Variants in RAD23B observed in about 807,000 individuals in gnomAD.
RAD23B encodes the protein lysine-specific demethylase RAD23B.
A neutral mutation model predicts 49.1 loss-of-function variants in RAD23B; 5 were observed. The ratio of observed to expected loss-of-function variants is 0.10; its 90% confidence interval spans 0.05 to 0.21. The LOEUF is 0.21. RAD23B is among the 10% of genes least tolerant of loss of function. The pLI is 1.00. For synonymous variants in RAD23B, 184 were observed against 165.4 expected, an observed-to-expected ratio of 1.11 and a Z score of -0.86; for missense variants, 356 against 486.7, an observed-to-expected ratio of 0.73 and a Z score of 2.53.
At chr9:107,323,287 C>T (rs11573711) in intron 7 of RAD23B, among the ~76,000 whole-genome samples, 17,955 of 152,024 alleles carry the variant, frequency 0.12, 1,093 homozygotes, top group South Asian at 0.15. Flanking sequence ...CTTATTTATC[C>T]GAGTTTTTGT....
chr9:107,300,619 A>G (rs986393517), intron 2 of RAD23B, among the ~76,000 whole-genome samples: 3 of 152,178 alleles, frequency 2.0e-5, no homozygotes, highest in African/African-American at 7.2e-5. Flanking sequence ...AACACATCAC[A>G]CAGACACCTA....
intron 5 of RAD23B, among the ~76,000 whole-genome samples, chr9:107,315,417 G>A (rs147567558): frequency 1.8e-4 from 27 of 152,242 alleles, no homozygotes; most frequent in African/African-American, 5.1e-4. Flanking sequence ...ATTGATCAAA[G>A]CTTATTCTGA....
intron 1 of RAD23B, among the ~76,000 whole-genome samples, chr9:107,296,821 C>T (rs947268678): frequency 1.3e-5 from 2 of 151,586 alleles, no homozygotes; most frequent in South Asian, 2.1e-4. Flanking sequence ...AGGCGTGAGC[C>T]ATGGCACCCA....
intron 9 of RAD23B, among the ~76,000 whole-genome samples, chr9:107,328,240 T>G (rs529387482): frequency 2.6e-5 from 4 of 152,296 alleles, no homozygotes; most frequent in African/African-American, 9.6e-5. Flanking sequence ...TTGCCCAAAT[T>G]TTAAGGGTTA....
chr9:107,299,024 G>C (rs1826595111), intron 1 of RAD23B, among the ~76,000 whole-genome samples: 1 of 152,066 alleles, frequency 6.6e-6, no homozygotes, highest in African/African-American at 2.4e-5. Flanking sequence ...TACTCTGCTT[G>C]GAGTCATAAG....
In RAD23B at chr9:107,318,950, G is replaced by A; in HGVS notation, c.681+71G>A. 6.8e-7 allele frequency: 1 copy of A among 1,468,214 alleles called. No individual in the cohort carries two copies. The highest frequency in any genetic ancestry group is 9.3e-7 in the Non-Finnish European group (1 of 1,074,178). The allele number at this position is 1,468,214 out of a possible 1,614,324, so 90.9% of individuals were successfully genotyped here. A position where few individuals can be genotyped will look rare whatever the true frequency, so the allele number is the denominator to read the frequency against. On this transcript the variant is annotated intron_variant, in intron 6 of 9. Transcript: ENST00000358015. The surrounding 1 kb of genome is among the most constrained non-coding windows in gnomAD (Gnocchi z 4.3). ...AAATCTCAAAGAAACAGATTTTAAA[G>A]GACCAGTTCACTTGTCACTGATATA...
chr9:107,287,551 T>C (rs1833296886), intron 1 of RAD23B, among the ~76,000 whole-genome samples: 2 of 152,192 alleles, frequency 1.3e-5, no homozygotes, highest in Non-Finnish European at 2.9e-5. Context: ...GGTTTACCTC[T>C]ATAATGTGAT....
intron 1 of RAD23B, 128 bp from the exon 2 acceptor site, chr9:107,300,011 CAT>C (rs1014422427): frequency 1.9e-5 from 23 of 1,182,340 alleles, no homozygotes; most frequent in East Asian, 8.5e-5. Flanking sequence ...ATTGGAAAAA[CAT>C]AATATTTGAG....
intron 1 of RAD23B, among the ~76,000 whole-genome samples, chr9:107,290,420 T>C (rs568414846): frequency 1.3e-5 from 2 of 152,328 alleles, no homozygotes; most frequent in South Asian, 4.1e-4. Context: ...CATCCCTCTT[T>C]AGCTGCTGCC....
At chr9:107,329,423 C>A (rs1827267707) in intron 9 of RAD23B, 120 bp from the exon 10 acceptor site, 1 of 589,408 alleles carries the variant, frequency 1.7e-6, no homozygotes, top group Non-Finnish European at 2.8e-6. Context: ...TTTTGGGTTG[C>A]AGTATGTTTT....
At chr9:107,319,062 C>A (rs1827054958) in intron 6 of RAD23B, among the ~76,000 whole-genome samples, 183 bp downstream of exon 6, 1 of 150,656 alleles carries the variant, frequency 6.6e-6, no homozygotes, top group Non-Finnish European at 1.5e-5. Context: ...ATCTAATGGT[C>A]CAACATTGTA....
At chr9:107,293,921 A>G (rs1296798679) in intron 1 of RAD23B, among the ~76,000 whole-genome samples, 1 of 152,146 alleles carries the variant, frequency 6.6e-6, no homozygotes, top group African/African-American at 2.4e-5. Flanking sequence ...GGTAACTGGG[A>G]CTACAAGCGG....
At chr9:107,316,051 C>G (rs1826987180) in intron 5 of RAD23B, among the ~76,000 whole-genome samples, 1 of 151,664 alleles carries the variant, frequency 6.6e-6, no homozygotes, top group African/African-American at 2.4e-5. Context: ...TGCTCTGTCG[C>G]CAGACTGGAG....
Position 107,318,860 on chromosome 9 carries a change from C to T in RAD23B, c.662C>T (p.Ala221Val). 1 of 1,613,240 alleles carries T rather than the reference C, an allele frequency of 6.2e-7. No homozygotes were observed. Among genetic ancestry groups the T allele is most frequent in the Non-Finnish European group, 8.5e-7 (1 of 1,179,426 alleles). The change falls in exon 6 of 10, where the codon GCA (alanine) becomes GTA (valine). Residue 221 changes from alanine to valine, a missense_variant. By Grantham distance (64) the Ala-to-Val change is moderately conservative (BLOSUM62 0). This residue lies in a region of RAD23B where 148 missense variants were observed against 231.7 expected (regional missense o/e 0.64). Transcript: ENST00000358015. The surrounding 1 kb of genome is among the most constrained non-coding windows in gnomAD (Gnocchi z 4.3). ...LRASFNNPDR[A>V]VEYLLMGIPG... Reference sequence around the variant, plus strand: ...GCCAGTTTCAACAACCCTGACAGAGCAGTGGAGTATCTTTTAATGGTGAGA... The same window carrying T: ...GCCAGTTTCAACAACCCTGACAGAGTAGTGGAGTATCTTTTAATGGTGAGA...
Position 107,318,611 on chromosome 9 carries a change from A to G in RAD23B, c.554-141A>G, listed in dbSNP as rs1827041489. 1 of 903,758 alleles carries G rather than the reference A, an allele frequency of 1.1e-6. No homozygotes were observed. Among genetic ancestry groups the G allele is most frequent in the Non-Finnish European group, 1.6e-6 (1 of 620,020 alleles). 56.0% of individuals were successfully genotyped at this position (903,758 alleles called of 1,614,324 possible). A position where few individuals can be genotyped will look rare whatever the true frequency, so the allele number is the denominator to read the frequency against. ...TGGGGGACCATTACCTACTACATAT[A>G]TGTTGTAATTTATACTGTTACTCAT... On this transcript the variant is annotated intron_variant, in intron 5 of 9. Transcript: ENST00000358015. This position sits in a 1 kb window ranked among gnomAD's most constrained non-coding sequence, Gnocchi z 4.3.
At position 107,330,558 on chromosome 9, in the gene RAD23B, C is replaced by T. The variant is rs567930659; in HGVS notation, c.*902C>T. On this transcript the variant is annotated 3_prime_UTR_variant, in exon 10 of 10. Coordinates refer to ENST00000358015, the MANE Select transcript of RAD23B (RefSeq NM_002874.5). The surrounding 1 kb of genome is among the most constrained non-coding windows in gnomAD (Gnocchi z 4.4). ...TCTTTTCCCCTTCCCTCAGCAGAAA[C>T]GTGTTTATCAGCAAGTCGTGAGTCA... is the stretch of plus-strand genomic sequence containing the variant. 11 of 152,668 alleles carry T rather than the reference C, an allele frequency of 7.2e-5. No individual in the cohort carries two copies. Among genetic ancestry groups the T allele is most frequent in the Admixed American group, 1.3e-4 (2 of 15,298 alleles). 9.5% of individuals were successfully genotyped at this position (152,668 alleles called of 1,614,324 possible).
rs374845215 is a variant in RAD23B, at chr9:107,292,538, G to A, written c.67-7603G>A. On this transcript the variant is annotated intron_variant, in intron 1 of 9. Transcript: ENST00000358015. Reference sequence around the variant, plus strand: ...TACTAAAAATACAAAAAATTAGCTAGGTGTGGTGGCGTGCACCTGTAGTCT... The same window carrying A: ...TACTAAAAATACAAAAAATTAGCTAAGTGTGGTGGCGTGCACCTGTAGTCT... 5.3e-5 allele frequency among the ~76,000 whole-genome samples: 8 copies of A among 152,212 alleles called. No individual in the cohort carries two copies. The East Asian group carries it at 1.2e-3, about 22-fold the overall frequency.
intron 9 of RAD23B, among the ~76,000 whole-genome samples, chr9:107,326,518 G>T (rs1827205879): frequency 2.0e-5 from 3 of 147,192 alleles, no homozygotes; most frequent in South Asian, 2.2e-4. Context: ...TGAATTTTTT[G>T]AATAGTTGAT....
At chr9:107,299,554 G>A (rs1826605246) in intron 1 of RAD23B, among the ~76,000 whole-genome samples, 1 of 152,210 alleles carries the variant, frequency 6.6e-6, no homozygotes, top group African/African-American at 2.4e-5. Flanking sequence ...GAGCATTGAA[G>A]TTGTCTGGAG....
Sources: allele counts gnomAD v4.1 joint callset (sites outside exome capture counted in the v4.1 genomes callset), GRCh38; gene constraint gnomAD v4.1.1; regional missense constraint gnomAD v4.1.1; non-coding constraint Gnocchi (gnomAD v3.1); transcripts MANE v1.5; gene names NCBI Gene and HGNC (gene_info 2026-07-23, HGNC 2026-07-21).